The following CADPS2 variants were observed in gnomAD, a reference collection of about 807,000 sequenced individuals.
The protein encoded by CADPS2 is calcium dependent secretion activator 2.
CADPS2 carries 93 observed loss-of-function variants against 172.5 expected under a neutral mutation model. The ratio of observed to expected loss-of-function variants is 0.54; its 90% CI spans 0.46 to 0.64. The LOEUF (loss-of-function observed/expected upper bound fraction) is 0.64. Ranked by LOEUF, CADPS2 falls within the 30% of genes least tolerant of loss-of-function variation. CADPS2 has a pLI of 0.00. For missense variants in CADPS2, 1,420 were observed against 1,565.9 expected (o/e 0.91, Z 1.57); for synonymous variants, 546 against 555.2 (o/e 0.98, Z 0.23).
chr7:122,518,059 T>C (rs1043644692), intron 8 of CADPS2, among the ~76,000 whole-genome samples: 2 of 151,962 alleles, frequency 1.3e-5, no homozygotes, highest in Non-Finnish European at 2.9e-5. Context: ...TATACAAAAG[T>C]TACATTTAAC....
intron 2 of CADPS2, among the ~76,000 whole-genome samples, chr7:122,728,791 C>G (rs773200129): frequency 7.9e-5 from 12 of 151,504 alleles, no homozygotes; most frequent in Non-Finnish European, 1.3e-4. Context: ...TTGTGATATT[C>G]TGTTATAGGC....
At chr7:122,721,583 G>A (rs2090407445) in intron 2 of CADPS2, among the ~76,000 whole-genome samples, 2 of 152,194 alleles carry the variant, frequency 1.3e-5, no homozygotes, top group South Asian at 4.2e-4. Flanking sequence ...GGACCAGATG[G>A]ATTCACAGCC....
intron 15 of CADPS2, among the ~76,000 whole-genome samples, chr7:122,444,518 T>C (rs1407801986): frequency 6.6e-6 from 1 of 152,234 alleles, no homozygotes; most frequent in Non-Finnish European, 1.5e-5. Context: ...CCACTAAGTA[T>C]GCAGTGGTAT....
intron 4 of CADPS2, among the ~76,000 whole-genome samples, chr7:122,627,246 C>A (rs1319793311): frequency 6.6e-6 from 1 of 152,188 alleles, no homozygotes; most frequent in Non-Finnish European, 1.5e-5. Flanking sequence ...TCTGCCCTTA[C>A]AAGGTTTGTA....
intron 1 of CADPS2, among the ~76,000 whole-genome samples, chr7:122,744,108 G>A (rs555497092): frequency 1.4e-4 from 22 of 152,332 alleles, no homozygotes; most frequent in African/African-American, 4.8e-4. Flanking sequence ...GCAAGCAAAT[G>A]TATGCCTGAC....
intron 2 of CADPS2, among the ~76,000 whole-genome samples, chr7:122,691,353 A>C (rs553461839): frequency 6.6e-6 from 1 of 152,348 alleles, no homozygotes; most frequent in African/African-American, 2.4e-5. Context: ...TCCCTTCCAC[A>C]GCTAGGACTA....
chr7:122,751,431 C>T (rs1040147973), intron 1 of CADPS2, among the ~76,000 whole-genome samples: 5 of 152,090 alleles, frequency 3.3e-5, no homozygotes, highest in Non-Finnish European at 2.9e-5. Flanking sequence ...AGCATAGTTT[C>T]GTGGAAACTG....
intron 17 of CADPS2, chr7:122,427,035 G>C (rs2049250145): frequency 6.6e-6 from 1 of 152,118 alleles, no homozygotes; most frequent in South Asian, 2.1e-4. Flanking sequence ...AAAGATTCTA[G>C]CAAGAGCTGT....
At chr7:122,454,568 G>A (rs139151184) in intron 14 of CADPS2, among the ~76,000 whole-genome samples, 30 of 152,242 alleles carry the variant, frequency 2.0e-4, no homozygotes, top group Admixed American at 1.6e-3. Context: ...AGGTGGAGAC[G>A]TTAAAAACCA....
chr7:122,669,226 T>C (rs755777313), intron 2 of CADPS2, among the ~76,000 whole-genome samples: 1 of 151,966 alleles, frequency 6.6e-6, no homozygotes, highest in Non-Finnish European at 1.5e-5. Context: ...AGCTACACAG[T>C]AGACTGAGGT....
In CADPS2 at chr7:122,564,003, T is replaced by A. The variant is rs73717684; in HGVS notation, c.1336-9314A>T. On this transcript the variant is annotated intron_variant, in intron 7 of 29. Transcript: ENST00000449022. ...GCATTTTGGATATCAAATTTTTGGA[T>A]TAGGGATGATCAACCATTAAGTATA... is the stretch of plus-strand genomic sequence containing the variant. Among the ~76,000 whole-genome samples the A allele has an allele frequency of 7.8e-3, 1,189 of 152,148 alleles. 16 individuals are homozygous for A. Among genetic ancestry groups the A allele is most frequent in the African/African-American group, 0.028 (1,149 of 41,532 alleles).
chr7:122,773,807 G>C (rs956456170), intron 1 of CADPS2, among the ~76,000 whole-genome samples: 1 of 151,962 alleles, frequency 6.6e-6, no homozygotes, highest in East Asian at 1.9e-4. Flanking sequence ...CAGTTTTCTT[G>C]CAAAGCTTTC....
chr7:122,609,287 G>A (rs2073997996), intron 6 of CADPS2, among the ~76,000 whole-genome samples: 1 of 152,034 alleles, frequency 6.6e-6, no homozygotes, highest in South Asian at 2.1e-4. Flanking sequence ...CCCACAGCTG[G>A]TCATCCCTCC....
chr7:122,880,831 A>ATCTGTAT (rs1822737972), intron 1 of CADPS2, among the ~76,000 whole-genome samples: 1 of 152,232 alleles, frequency 6.6e-6, no homozygotes, highest in South Asian at 2.1e-4. Context: ...TTGGACAACA[A>ATCTGTAT]TTCCATAATC....
chr7:122,392,123 T>C (rs2044445857), intron 22 of CADPS2, among the ~76,000 whole-genome samples: 1 of 152,178 alleles, frequency 6.6e-6, no homozygotes. Context: ...TTATTCTTTC[T>C]AGTTGATTTC....
rs541668918 is a variant in CADPS2, at chr7:122,556,838, T to A, written c.1336-2149A>T. On this transcript the variant is annotated intron_variant, in intron 7 of 29. Transcript: ENST00000449022. Reference sequence around the variant, plus strand: ...CAGTTCCTCTTCAATAGGGCTTAGTTTATGTCTTTTATTAATAGCACTCTT... The same window carrying A: ...CAGTTCCTCTTCAATAGGGCTTAGTATATGTCTTTTATTAATAGCACTCTT... Among the ~76,000 whole-genome samples the A allele has an allele frequency of 2.2e-4, 33 of 152,224 alleles. No homozygotes were observed. The South Asian group carries it at 6.6e-3, about 31-fold the overall frequency.
chr7:122,566,606 T>C (rs957595406), intron 7 of CADPS2, among the ~76,000 whole-genome samples: 2 of 152,262 alleles, frequency 1.3e-5, no homozygotes, highest in South Asian at 2.1e-4. Flanking sequence ...TTTATTAATA[T>C]AGTGACTAAA....
At chr7:122,523,861 A>T (rs559111601) in intron 8 of CADPS2, among the ~76,000 whole-genome samples, 1 of 152,240 alleles carries the variant, frequency 6.6e-6, no homozygotes, top group African/African-American at 2.4e-5. Flanking sequence ...ATGTCCAAAG[A>T]ATTTACTGAG....
chr7:122,325,032 T>C (rs143482658), intron 29 of CADPS2, among the ~76,000 whole-genome samples: 1 of 152,172 alleles, frequency 6.6e-6, no homozygotes, highest in East Asian at 1.9e-4. Context: ...ATTTGGGCAA[T>C]GACAATGTAT....
Sources: gnomAD v4.1 joint callset for allele counts (sites outside exome capture counted in the v4.1 genomes callset) on GRCh38, gnomAD v4.1.1 for gene constraint, MANE v1.5 for transcripts, NCBI Gene and HGNC (gene_info 2026-07-23, HGNC 2026-07-21) for gene names.